PDZRN3: variants seen among roughly 807,000 people sequenced by gnomAD.
PDZRN3 encodes the protein PDZ domain containing ring finger 3.
In PDZRN3, 38 loss-of-function variants were observed where a neutral mutation model predicts 85.7. That is an observed-to-expected ratio of 0.44 (90% confidence interval 0.34 to 0.58). The LOEUF (loss-of-function observed/expected upper bound fraction) is 0.58, where lower values mean the gene tolerates loss of function less well. Among genes scored for constraint, PDZRN3 ranks in the 20% least tolerant of loss-of-function variants. The probability of loss-of-function intolerance (pLI) is 0.01; values close to 1 mark genes in which losing one functional copy is unlikely to be tolerated. For missense variants in PDZRN3, 1,629 were observed against 1,506.4 expected, an observed-to-expected ratio of 1.08 and a Z score of -1.35; for synonymous variants, 759 against 638.0, an observed-to-expected ratio of 1.19 and a Z score of -2.86.
At chr3:73,409,474 C>A (rs1701922188) in intron 3 of PDZRN3, among the ~76,000 whole-genome samples, 1 of 152,218 alleles carries the variant, frequency 6.6e-6, no homozygotes, top group African/African-American at 2.4e-5. Context: ...CAAGAATTTA[C>A]TGAGCTTATT....
rs1559687303 is a variant in PDZRN3 at position 73,453,123 on chromosome 3, G to A, written c.919-48728C>T. 3.9e-5 allele frequency among the ~76,000 whole-genome samples: 6 copies of A among 152,058 alleles called. No homozygotes were observed. The South Asian group carries it at 1.2e-3, about 32-fold the overall frequency. On this transcript the variant is annotated intron_variant, in intron 3 of 9. Coordinates refer to ENST00000263666, the MANE Select transcript of PDZRN3 (RefSeq NM_015009.3). Reference sequence around the variant, plus strand: ...GCAGTCAGGCTAGAAAGAACTTGCTGTTGGCCAGGTGTGGTAGCTCATGCC... The same window carrying A: ...GCAGTCAGGCTAGAAAGAACTTGCTATTGGCCAGGTGTGGTAGCTCATGCC...
At position 73,594,843 on chromosome 3, in the gene PDZRN3, G is replaced by A. The variant is rs537654369; in HGVS notation, c.918+7511C>T. On this transcript the variant is annotated intron_variant, in intron 3 of 9. Transcript: ENST00000263666. ...TTTTACAAGTGGAGACTAAAAAGAT[G>A]GAGATGTACTGACTTATTGAGAGTG... Among the ~76,000 whole-genome samples, 4 of 152,244 alleles carry A rather than the reference G, an allele frequency of 2.6e-5. No homozygotes were observed. In the East Asian group the frequency reaches 5.8e-4, roughly 22 times the overall value.
intron 3 of PDZRN3, among the ~76,000 whole-genome samples, chr3:73,407,461 T>C (rs1439584827): frequency 2.0e-5 from 3 of 152,232 alleles, no homozygotes; most frequent in East Asian, 1.9e-4. Context: ...CCTTATACTT[T>C]AGGTCATTTG....
At chr3:73,601,737 C>G (rs1702518376) in intron 3 of PDZRN3, among the ~76,000 whole-genome samples, 2 of 152,110 alleles carry the variant, frequency 1.3e-5, no homozygotes, top group Admixed American at 1.3e-4. Context: ...ATCCACTTCC[C>G]CTACATGAGT....
chr3:73,454,514 C>T (rs1387476791), intron 3 of PDZRN3, among the ~76,000 whole-genome samples: 7 of 152,122 alleles, frequency 4.6e-5, no homozygotes, highest in East Asian at 1.9e-4. Context: ...TTGGGAAGGA[C>T]GACACGTAAC....
intron 3 of PDZRN3, among the ~76,000 whole-genome samples, chr3:73,510,800 A>G (rs754080002): frequency 6.6e-6 from 1 of 152,246 alleles, no homozygotes; most frequent in African/African-American, 2.4e-5. Context: ...TAATTTATAG[A>G]TCAGGCACAG....
chr3:73,425,761 A>G (rs1168751292), intron 3 of PDZRN3, among the ~76,000 whole-genome samples: 1 of 152,180 alleles, frequency 6.6e-6, no homozygotes, highest in Non-Finnish European at 1.5e-5. Context: ...ATACAAAAAA[A>G]TCGACTTCTA....
chr3:73,490,965 C>T (rs1703759053), intron 3 of PDZRN3, among the ~76,000 whole-genome samples: 1 of 152,348 alleles, frequency 6.6e-6, no homozygotes, highest in East Asian at 1.9e-4. Context: ...CATGTTGAAA[C>T]TGCAATATCA....
chr3:73,436,320 C>T (rs976525870), intron 3 of PDZRN3, among the ~76,000 whole-genome samples: 3 of 152,204 alleles, frequency 2.0e-5, no homozygotes, highest in Non-Finnish European at 4.4e-5. Flanking sequence ...CGTGAAGGTG[C>T]TCAGGAAAAC....
intron 3 of PDZRN3, chr3:73,433,549 C>T (rs1241472035): frequency 2.5e-6 from 2 of 810,276 alleles, no homozygotes; most frequent in Non-Finnish European, 2.0e-6. Context: ...CACAAAAACA[C>T]ACATAAAAAT....
rs1280414613 is a variant in PDZRN3 at position 73,383,706 on chromosome 3, G to A, written c.2860C>T (p.Arg954Cys). 1.2e-6 allele frequency: 2 copies of A among 1,611,446 alleles called. No individual in the cohort carries two copies. Among genetic ancestry groups the A allele is most frequent in the Non-Finnish European group, 1.7e-6 (2 of 1,179,990 alleles). The change falls in exon 10 of 10, where the codon CGC becomes TGC. Residue 954 changes from arginine (R) to cysteine (C), a missense_variant. By Grantham distance (180) the Arg-to-Cys change is radical. Coordinates refer to ENST00000263666, the MANE Select transcript of PDZRN3 (RefSeq NM_015009.3). Reference sequence around the variant, plus strand: ...TCGTCGTCGGTGGTCATGCCGCTGCGCTCTTCCCGGATCTTCAGGGCGCGC... The same window carrying A: ...TCGTCGTCGGTGGTCATGCCGCTGCACTCTTCCCGGATCTTCAGGGCGCGC... ...RERALKIREE[R>C]SGMTTDDDAV...
At chr3:73,392,287 G>A (rs1701544330) in intron 5 of PDZRN3, among the ~76,000 whole-genome samples, 1 of 152,226 alleles carries the variant, frequency 6.6e-6, no homozygotes, top group Non-Finnish European at 1.5e-5. Context: ...AGGGCCCACA[G>A]GCCAGCATGA....
intron 3 of PDZRN3, among the ~76,000 whole-genome samples, chr3:73,448,329 G>A (rs3856582): frequency 0.78 from 119,107 of 152,214 alleles, 46,857 homozygotes; most frequent in East Asian, 0.91. Context: ...GAAGTGGCTG[G>A]CTTGCAGCAT....
intron 3 of PDZRN3, among the ~76,000 whole-genome samples, chr3:73,532,497 C>A (rs567284382): frequency 6.6e-6 from 1 of 152,304 alleles, no homozygotes; most frequent in African/African-American, 2.4e-5. Flanking sequence ...GTGCTGATGG[C>A]GTTCCTTGAG....
At chr3:73,508,047 A>G (rs138538793) in intron 3 of PDZRN3, among the ~76,000 whole-genome samples, 5,474 of 152,214 alleles carry the variant, frequency 0.036, 317 homozygotes, top group African/African-American at 0.12. Flanking sequence ...ATGAGCCGAG[A>G]TTGTGCCATT....
chr3:73,584,455 GTGTGTGTGTGTGTGTGTGT>G (rs1702248769), intron 3 of PDZRN3, among the ~76,000 whole-genome samples: 3 of 47,924 alleles, frequency 6.3e-5, no homozygotes, highest in Admixed American at 1.8e-4. Flanking sequence ...ATTTAATGGT[GTGTGTGTGTGTGTGTGTGT>G]GTGTGTGTGT....
intron 3 of PDZRN3, among the ~76,000 whole-genome samples, chr3:73,436,916 C>G (rs1456006548): frequency 6.6e-6 from 1 of 151,838 alleles, no homozygotes; most frequent in African/African-American, 2.4e-5. Flanking sequence ...TGTGGTGGCA[C>G]ACACCTGTAG....
chr3:73,444,096 C>T (rs1315269208), intron 3 of PDZRN3, among the ~76,000 whole-genome samples: 1 of 152,180 alleles, frequency 6.6e-6, no homozygotes, highest in Non-Finnish European at 1.5e-5. Flanking sequence ...CTGCCCCTGA[C>T]CCCATGCTTG....
At chr3:73,465,988 C>G (rs932320693) in intron 3 of PDZRN3, among the ~76,000 whole-genome samples, 1 of 152,120 alleles carries the variant, frequency 6.6e-6, no homozygotes, top group African/African-American at 2.4e-5. Context: ...AAAACAGATA[C>G]TGAAGATTGT....
Sources: allele counts gnomAD v4.1 joint callset (sites outside exome capture counted in the v4.1 genomes callset), GRCh38; gene constraint gnomAD v4.1.1; transcripts MANE v1.5; gene names NCBI Gene and HGNC (gene_info 2026-07-23, HGNC 2026-07-21).